Variants in CMYA5 observed in about 807,000 individuals in gnomAD.
CMYA5 encodes cardiomyopathy associated 5, also known as cardiomyopathy-associated protein 5.
In CMYA5, 246 loss-of-function variants were observed where a neutral mutation model predicts 318.9. That is an observed-to-expected ratio of 0.77 (90% CI 0.70 to 0.86). CMYA5 has a LOEUF of 0.86. Among genes scored for constraint, CMYA5 ranks in the 40% least tolerant of loss-of-function variants. CMYA5 has a pLI of 0.00. For missense variants in CMYA5, 4,589 were observed against 4,678.2 expected, an observed-to-expected ratio of 0.98 and a Z score of 0.56; for synonymous variants, 1,641 against 1,729.5, an observed-to-expected ratio of 0.95 and a Z score of 1.27.
chr5:79,705,214 G>A (rs1194573363), intron 1 of CMYA5, among the ~76,000 whole-genome samples: 1 of 152,212 alleles, frequency 6.6e-6, no homozygotes, highest in African/African-American at 2.4e-5. Flanking sequence ...GGAGGCTGCA[G>A]TGAGGCGAGA....
intron 2 of CMYA5, among the ~76,000 whole-genome samples, chr5:79,740,860 T>C (rs1033907745): frequency 2.7e-5 from 4 of 148,570 alleles, no homozygotes; most frequent in Non-Finnish European, 5.9e-5. Flanking sequence ...CCATGCACTA[T>C]TTTTTTGTTT....
At chr5:79,752,645 T>C in intron 5 of CMYA5, 31 bp from the exon 6 acceptor site, 6 of 1,474,204 alleles carry the variant, frequency 4.1e-6, no homozygotes, top group Non-Finnish European at 5.6e-6. Context: ...TAATAATTTT[T>C]TAACTTATGT....
At chr5:79,701,901 G>T (rs1265978342) in intron 1 of CMYA5, among the ~76,000 whole-genome samples, 1 of 152,094 alleles carries the variant, frequency 6.6e-6, no homozygotes, top group Admixed American at 6.6e-5. Flanking sequence ...GCCGAGGCGG[G>T]TGGATCATGA....
Position 79,735,599 on chromosome 5 carries a change from A to G in CMYA5, c.6834A>G (p.Pro2278=). Residue 2278 remains proline (P), a synonymous_variant, in exon 2 of 13, where the codon CCA becomes CCG. Coordinates refer to ENST00000446378, the MANE Select transcript of CMYA5 (RefSeq NM_153610.5). ...ILSNVEDLQQ[P]KFISEVSRED... is the part of the protein sequence containing the mutation. Reference sequence around the variant, plus strand: ...CAAATGTAGAAGATTTACAACAGCCAAAATTCATTTCTGAGGTGTCTAGGG... The same window carrying G: ...CAAATGTAGAAGATTTACAACAGCCGAAATTCATTTCTGAGGTGTCTAGGG... 1.9e-6 allele frequency: 3 copies of G among 1,613,568 alleles called. No homozygotes were observed. The highest frequency in any genetic ancestry group is 4.5e-5 in the East Asian group (2 of 44,872).
intron 12 of CMYA5, among the ~76,000 whole-genome samples, chr5:79,794,726 T>A (rs774512943): frequency 3.3e-5 from 5 of 152,180 alleles, no homozygotes; most frequent in Non-Finnish European, 5.9e-5. Context: ...AAGCCTTCAA[T>A]GCTTGCAAGT....
chr5:79,739,078 CAGA>C lies in CMYA5; in HGVS notation c.10318_10320del (p.Glu3440del), dbSNP rs1255810604. ...GAAGTGGTTCCTCAAGACATATTAT[CAGA>C]AGAACTGTCTTCAGAATCCACACCT... On this transcript the variant is annotated inframe_deletion, in exon 2 of 13. Coordinates refer to ENST00000446378, the MANE Select transcript of CMYA5 (RefSeq NM_153610.5). 1.2e-6 allele frequency: 2 copies of C among 1,613,872 alleles called. No homozygotes were observed. Among genetic ancestry groups the C allele is most frequent in the East Asian group, 2.2e-5 (1 of 44,880 alleles).
At chr5:79,776,665 G>C (rs1481109426) in intron 9 of CMYA5, among the ~76,000 whole-genome samples, 2 of 152,120 alleles carry the variant, frequency 1.3e-5, no homozygotes, top group Non-Finnish European at 2.9e-5. Flanking sequence ...TGCCTTACCA[G>C]CTGGTCCTTC....
rs202222773 is a variant in CMYA5 at position 79,733,998 on chromosome 5, A to T, written c.5233A>T (p.Thr1745Ser). 1 of 1,613,690 alleles carries T rather than the reference A, an allele frequency of 6.2e-7. No individual in the cohort carries two copies. Among genetic ancestry groups the T allele is most frequent in the African/African-American group, 1.3e-5 (1 of 75,032 alleles). ...CAACCCAGAAGAATTTCAGCCATTTACTTTTTCTTTAAAAGGATTATCAGA... is the reference window on the plus strand; with the variant it reads ...CAACCCAGAAGAATTTCAGCCATTTTCTTTTTCTTTAAAAGGATTATCAGA... ...GGNPEEFQPF[T>S]FSLKGLSEEV... is the part of the protein sequence containing the mutation. The change falls in exon 2 of 13, where the codon ACT becomes TCT. Residue 1745 changes from threonine to serine, a missense_variant. This residue lies in a region of CMYA5 where 2,132 missense variants were observed against 2,131.3 expected (regional missense o/e 1.00). Transcript: ENST00000446378.
In CMYA5 at chr5:79,734,847, C is replaced by T. The variant is rs1332431314; in HGVS notation, c.6082C>T (p.Leu2028Phe). The change falls in exon 2 of 13, where the codon CTT becomes TTT. Residue 2028 changes from leucine (L) to phenylalanine (F), a missense_variant. By Grantham distance (22) the Leu-to-Phe change is conservative. Transcript: ENST00000446378. The stretch of plus-strand genomic sequence containing the variant: ...GCTATTGGAGAAAGCAAACACAGAG[C>T]TTTCCTGGCCTTCCAAAGAAGATAG... The part of the protein sequence containing the change: ...SLLLEKANTE[L>F]SWPSKEDSQE... 3.1e-6 allele frequency: 5 copies of T among 1,613,614 alleles called. No homozygotes were observed. The highest frequency in any genetic ancestry group is 4.2e-6 in the Non-Finnish European group (5 of 1,179,764).
rs185551182 is a variant in CMYA5, at chr5:79,725,934, G to A, written c.150-2981G>A. Among the ~76,000 whole-genome samples, 412 of 151,118 alleles carry A rather than the reference G, an allele frequency of 2.7e-3. 2 individuals are homozygous for A. Among genetic ancestry groups the A allele is most frequent in the Non-Finnish European group, 4.7e-3 (316 of 67,654 alleles). ...ATAAAATAATAAATTTTAAAAACTGGAAATTAAAAAAGAATGTTTGGTTGT... is the reference window on the plus strand; with the variant it reads ...ATAAAATAATAAATTTTAAAAACTGAAAATTAAAAAAGAATGTTTGGTTGT... On this transcript the variant is annotated intron_variant, in intron 1 of 12. Transcript: ENST00000446378.
chr5:79,769,910 C>T (rs1828822607), intron 9 of CMYA5, among the ~76,000 whole-genome samples: 1 of 152,232 alleles, frequency 6.6e-6, no homozygotes. Context: ...ACAACTGCCC[C>T]TTCCCCCAAG....
intron 2 of CMYA5, among the ~76,000 whole-genome samples, chr5:79,742,282 G>A (rs534173707): frequency 5.9e-5 from 9 of 151,708 alleles, no homozygotes; most frequent in Non-Finnish European, 1.3e-4. Flanking sequence ...AGCCTCCTGG[G>A]CTCAAGCAAT....
chr5:79,784,828 A>G (rs111276209), intron 9 of CMYA5, among the ~76,000 whole-genome samples: 8,845 of 149,572 alleles, frequency 0.059, 718 homozygotes, highest in East Asian at 0.25. Flanking sequence ...GGCACTCCCT[A>G]GTGAGATGAA....
chr5:79,777,244 G>A (rs1828954792), intron 9 of CMYA5, among the ~76,000 whole-genome samples: 1 of 152,076 alleles, frequency 6.6e-6, no homozygotes, highest in African/African-American at 2.4e-5. Context: ...GAATACAGTG[G>A]AAATTAAGTC....
In CMYA5 at chr5:79,737,110, T is replaced by A. The variant is rs779079035; in HGVS notation, c.8345T>A (p.Met2782Lys). The A allele has an allele frequency of 1.9e-6, 3 of 1,613,568 alleles. No homozygotes were observed. The highest frequency in any genetic ancestry group is 1.1e-5 in the South Asian group (1 of 91,026). The change falls in exon 2 of 13, where the codon ATG (methionine) becomes AAG (lysine). Residue 2782 changes from methionine (M) to lysine (K), a missense_variant. Around this residue, in one of 3 missense-constraint regions of CMYA5, gnomAD observed 2,431 missense variants for 2,495.1 expected, o/e 0.97. Coordinates refer to ENST00000446378, the MANE Select transcript of CMYA5 (RefSeq NM_153610.5). ...GGSVDITKESMKEGFPSKESE... is the reference protein window; with the variant it reads ...GGSVDITKESKKEGFPSKESE... Reference sequence around the variant, plus strand: ...TCAGTAGATATCACAAAAGAAAGTATGAAAGAAGGATTTCCATCTAAAGAA... The same window carrying A: ...TCAGTAGATATCACAAAAGAAAGTAAGAAAGAAGGATTTCCATCTAAAGAA...
At chr5:79,697,602 C>T (rs907164895) in intron 1 of CMYA5, among the ~76,000 whole-genome samples, 2 of 152,104 alleles carry the variant, frequency 1.3e-5, no homozygotes, top group Non-Finnish European at 2.9e-5. Context: ...TTTTCATTCC[C>T]ATATTGAGTA....
intron 1 of CMYA5, among the ~76,000 whole-genome samples, chr5:79,701,546 T>C (rs1307474531): frequency 3.3e-5 from 5 of 152,180 alleles, no homozygotes; most frequent in Non-Finnish European, 7.4e-5. Flanking sequence ...CACTTCACAC[T>C]TTCTAAGATG....
At chr5:79,778,534 G>C in intron 9 of CMYA5, among the ~76,000 whole-genome samples, 1 of 152,072 alleles carries the variant, frequency 6.6e-6, no homozygotes, top group Non-Finnish European at 1.5e-5. Context: ...ATGGTTCAGA[G>C]CCACTACAGT....
rs760468789 is a variant in CMYA5, at chr5:79,731,088, T to G, written c.2323T>G (p.Ser775Ala). 9 of 1,613,914 alleles carry G rather than the reference T, an allele frequency of 5.6e-6. No individual in the cohort carries two copies. Among genetic ancestry groups the G allele is most frequent in the Admixed American group, 1.7e-5 (1 of 60,016 alleles). Residue 775 changes from serine (S) to alanine (A), a missense_variant, in exon 2 of 13, where the codon TCA becomes GCA. Ser to Ala is a moderately conservative substitution (Grantham distance 99). Around this residue, in one of 3 missense-constraint regions of CMYA5, gnomAD observed 2,132 missense variants for 2,131.3 expected, o/e 1.00. Transcript: ENST00000446378. Reference sequence around the variant, plus strand: ...GTCACCACTGCCTTCTACTGCCACATCAGAACACGTGGTCCCATCAGAAGG... The same window carrying G: ...GTCACCACTGCCTTCTACTGCCACAGCAGAACACGTGGTCCCATCAGAAGG... ...CQSPLPSTAT[S>A]EHVVPSEGED...
Sources: gnomAD v4.1 joint callset for allele counts (sites outside exome capture counted in the v4.1 genomes callset) on GRCh38, gnomAD v4.1.1 for gene constraint, gnomAD v4.1.1 regional missense constraint, MANE v1.5 for transcripts, NCBI Gene and HGNC (gene_info 2026-07-23, HGNC 2026-07-21) for gene names.